The following PPM1L variants were observed in gnomAD, a reference collection of about 807,000 sequenced individuals.
PPM1L encodes the protein protein phosphatase, Mg2+/Mn2+ dependent 1L.
A neutral mutation model predicts 31.4 loss-of-function variants in PPM1L; 13 were observed. The observed-to-expected ratio is 0.41, with a 90% CI of 0.27 to 0.66. PPM1L has a LOEUF of 0.66. PPM1L is among the 30% of genes least tolerant of loss of function. The pLI is 0.29. For synonymous variants in PPM1L, 184 were observed against 175.4 expected (o/e 1.05, Z -0.39); for missense variants, 326 against 453.7 (o/e 0.72, Z 2.56).
intron 1 of PPM1L, among the ~76,000 whole-genome samples, chr3:160,902,050 G>T (rs1372461593): frequency 6.6e-6 from 1 of 152,104 alleles, no homozygotes; most frequent in Non-Finnish European, 1.5e-5. Flanking sequence ...GGAGGTAAAT[G>T]TGTAGGGCCA....
chr3:160,929,057 G>A (rs1292835031), intron 1 of PPM1L, among the ~76,000 whole-genome samples: 1 of 151,936 alleles, frequency 6.6e-6, no homozygotes, highest in African/African-American at 2.4e-5. Context: ...TTTGCTTAAG[G>A]TAGCTTGTCA....
intron 2 of PPM1L, among the ~76,000 whole-genome samples, chr3:161,003,034 T>G (rs557712078): frequency 6.6e-6 from 1 of 150,882 alleles, no homozygotes; most frequent in African/African-American, 2.4e-5. Flanking sequence ...AAGGAAGGGA[T>G]CCAGTTTCAG....
chr3:160,916,935 A>G (rs574709050), intron 1 of PPM1L, among the ~76,000 whole-genome samples: 1 of 152,336 alleles, frequency 6.6e-6, no homozygotes, highest in South Asian at 2.1e-4. Context: ...AGTGACTTTA[A>G]TTTTTAAACT....
chr3:160,954,941 TTCC>T (rs1219181594), intron 1 of PPM1L, among the ~76,000 whole-genome samples: 10,268 of 61,638 alleles, frequency 0.17, 405 homozygotes, highest in East Asian at 0.3. Context: ...CCTTCCTTCC[TTCC>T]TTCCTTCCTT....
chr3:161,013,750 G>T (rs1466319394), intron 2 of PPM1L, among the ~76,000 whole-genome samples: 1 of 152,220 alleles, frequency 6.6e-6, no homozygotes, highest in Admixed American at 6.5e-5. Context: ...CGGTCTTCTT[G>T]TTGAATTGAT....
chr3:160,972,186 A>G (rs1012885969), intron 2 of PPM1L, among the ~76,000 whole-genome samples: 18 of 151,866 alleles, frequency 1.2e-4, no homozygotes, highest in African/African-American at 4.1e-4. Flanking sequence ...AGAAAAAATG[A>G]TAATTCAGAC....
At chr3:160,853,575 T>C (rs2108114898) in intron 1 of PPM1L, among the ~76,000 whole-genome samples, 1 of 152,266 alleles carries the variant, frequency 6.6e-6, no homozygotes, top group South Asian at 2.1e-4. Flanking sequence ...ACTATAAAAG[T>C]ATAAAAATAC....
At chr3:160,957,014 CA>C (rs1244749028) in intron 1 of PPM1L, among the ~76,000 whole-genome samples, 1 of 152,148 alleles carries the variant, frequency 6.6e-6, no homozygotes, top group African/African-American at 2.4e-5. Context: ...TATACCTGTA[CA>C]AATACAAAAT....
intron 1 of PPM1L, among the ~76,000 whole-genome samples, chr3:160,911,332 G>C (rs1326478296): frequency 1.3e-5 from 2 of 152,146 alleles, no homozygotes; most frequent in African/African-American, 4.8e-5. Flanking sequence ...AGATTTTGAG[G>C]GGTAGCCAGA....
chr3:160,798,050 T>G (rs1345303562), intron 1 of PPM1L, among the ~76,000 whole-genome samples: 1 of 152,114 alleles, frequency 6.6e-6, no homozygotes, highest in African/African-American at 2.4e-5. Context: ...TGGTAGTGCG[T>G]GCCTGTAGTC....
chr3:160,949,903 A>G (rs759722950), intron 1 of PPM1L, among the ~76,000 whole-genome samples: 2 of 152,210 alleles, frequency 1.3e-5, no homozygotes, highest in Admixed American at 6.5e-5. Flanking sequence ...TTTTAAAACT[A>G]TATGTATGCA....
At chr3:160,822,088 T>C (rs1209004819) in intron 1 of PPM1L, among the ~76,000 whole-genome samples, 1 of 152,052 alleles carries the variant, frequency 6.6e-6, no homozygotes. Context: ...TGTGTACATG[T>C]TTAGTTTTTG....
intron 1 of PPM1L, among the ~76,000 whole-genome samples, chr3:160,836,906 C>T (rs1370939646): frequency 6.6e-6 from 1 of 152,186 alleles, no homozygotes; most frequent in African/African-American, 2.4e-5. Context: ...TCCTTCCCTT[C>T]TTAGAGACAT....
chr3:160,950,234 C>G (rs1477956599), intron 1 of PPM1L, among the ~76,000 whole-genome samples: 3 of 152,146 alleles, frequency 2.0e-5, no homozygotes, highest in Admixed American at 2.0e-4. Context: ...CTTGCTCACA[C>G]TAAGACTGAA....
At chr3:160,813,311 T>G (rs1399755043) in intron 1 of PPM1L, among the ~76,000 whole-genome samples, 13 of 152,184 alleles carry the variant, frequency 8.5e-5, no homozygotes, top group Admixed American at 8.5e-4. Context: ...TTTTACATTT[T>G]CAAGTTTAAA....
At chr3:160,769,582 G>A (rs144746953) in intron 1 of PPM1L, among the ~76,000 whole-genome samples, 13 of 152,064 alleles carry the variant, frequency 8.5e-5, no homozygotes, top group African/African-American at 3.1e-4. Context: ...TAGTGATCAG[G>A]AGGGGTCTGA....
At chr3:160,998,573 T>A (rs1717394880) in intron 2 of PPM1L, among the ~76,000 whole-genome samples, 1 of 152,160 alleles carries the variant, frequency 6.6e-6, no homozygotes, top group South Asian at 2.1e-4. Flanking sequence ...GAGGGAGATT[T>A]TTGACAGGCA....
chr3:160,891,315 G>A (rs2108046226), intron 1 of PPM1L, among the ~76,000 whole-genome samples: 1 of 152,046 alleles, frequency 6.6e-6, no homozygotes, highest in South Asian at 2.1e-4. Flanking sequence ...CCATCAAAAA[G>A]TGGGCAAAGA....
chr3:160,939,330 C>G (rs957916663), intron 1 of PPM1L, among the ~76,000 whole-genome samples: 3 of 152,090 alleles, frequency 2.0e-5, no homozygotes, highest in Non-Finnish European at 4.4e-5. Context: ...GCCTTTATGT[C>G]TTTATATAGA....
Sources: gnomAD v4.1 joint callset for allele counts (sites outside exome capture counted in the v4.1 genomes callset) on GRCh38, gnomAD v4.1.1 for gene constraint, MANE v1.5 for transcripts, NCBI Gene and HGNC (gene_info 2026-07-23, HGNC 2026-07-21) for gene names.